Variants in ARHGAP8 observed in about 807,000 individuals in gnomAD.
The protein encoded by ARHGAP8 is rho GTPase-activating protein 8.
ARHGAP8 carries 62 observed loss-of-function variants against 46.1 expected under a neutral mutation model. The observed-to-expected ratio is 1.34, with a 90% CI of 1.10 to 1.66. The LOEUF (loss-of-function observed/expected upper bound fraction) is 1.66. Among genes scored for constraint, ARHGAP8 ranks in the 40% most tolerant of loss-of-function variants. ARHGAP8 has a pLI of 0.00. For synonymous variants in ARHGAP8, 375 were observed against 243.1 expected, an observed-to-expected ratio of 1.54 and a Z score of -5.05; for missense variants, 923 against 568.4, an observed-to-expected ratio of 1.62 and a Z score of -6.34.
At chr22:44,819,043 CTG>C (rs1182270494) in intron 5 of ARHGAP8, among the ~76,000 whole-genome samples, 1 of 151,850 alleles carries the variant, frequency 6.6e-6, no homozygotes, top group Non-Finnish European at 1.5e-5. Context: ...GCTGCTAGTA[CTG>C]TGTTTTTTGT....
chr22:44,828,709 T>A (rs1930715817), intron 7 of ARHGAP8, among the ~76,000 whole-genome samples: 1 of 151,390 alleles, frequency 6.6e-6, no homozygotes, highest in African/African-American at 2.4e-5. Context: ...TGCCTCGGCC[T>A]CCTACTGGGA....
chr22:44,813,922 A>G (rs538613077), intron 4 of ARHGAP8, among the ~76,000 whole-genome samples: 61 of 152,176 alleles, frequency 4.0e-4, no homozygotes, highest in Non-Finnish European at 7.8e-4. Flanking sequence ...GTGAGTGGAT[A>G]AGAGGTGGCT....
In ARHGAP8 at chr22:44,855,241, G is replaced by T. The variant is rs552946687; in HGVS notation, c.878-4490G>T. ...AAAAAGAATTTTTTTTTAAGACAGG[G>T]TCTCCTTCTCCTTGACCTCTGGGCT... is the stretch of plus-strand genomic sequence containing the variant. On this transcript the variant is annotated intron_variant, in intron 10 of 11. Coordinates refer to ENST00000356099, the MANE Select transcript of ARHGAP8 (RefSeq NM_181335.3). Among the ~76,000 whole-genome samples, 3 of 151,892 alleles carry T rather than the reference G, an allele frequency of 2.0e-5. No homozygotes were observed. In the South Asian group the frequency reaches 6.2e-4, roughly 32 times the overall value.
chr22:44,852,940 C>T (rs6007326), intron 10 of ARHGAP8, among the ~76,000 whole-genome samples: 3 of 151,836 alleles, frequency 2.0e-5, no homozygotes, highest in Admixed American at 6.6e-5. Flanking sequence ...GTAGCTGGGA[C>T]GACAGGCCCG....
chr22:44,813,770 C>A (rs1322283819), intron 4 of ARHGAP8, among the ~76,000 whole-genome samples: 1 of 132,224 alleles, frequency 7.6e-6, no homozygotes, highest in Non-Finnish European at 1.6e-5. Flanking sequence ...TATACACTTA[C>A]ACCTACATAC....
At chr22:44,835,124 A>C (rs1026439686) in intron 7 of ARHGAP8, among the ~76,000 whole-genome samples, 1 of 151,518 alleles carries the variant, frequency 6.6e-6, no homozygotes, top group African/African-American at 2.4e-5. Context: ...CCATTTTGCT[A>C]TTTGTTTTCT....
chr22:44,791,799 G>A (rs17532423), intron 2 of ARHGAP8, among the ~76,000 whole-genome samples: 5,563 of 152,144 alleles, frequency 0.037, 105 homozygotes, highest in South Asian at 0.048. Context: ...AAAAGATGCC[G>A]GCCTTAACCA....
chr22:44,858,081 A>G (rs1255242812), intron 10 of ARHGAP8, among the ~76,000 whole-genome samples: 1 of 152,232 alleles, frequency 6.6e-6, no homozygotes, highest in Non-Finnish European at 1.5e-5. Context: ...TTCCTTGTCC[A>G]TTCAAATGAC....
rs147414601 is a variant in ARHGAP8 at position 44,814,327 on chromosome 22, G to A, written c.300-345G>A. ...CTGGCAGGGCAGGTGTTGGCCAAGA[G>A]GCTCTGTGCGGTTTTAATTCTGAGA... On this transcript the variant is annotated intron_variant, in intron 4 of 11. Coordinates refer to ENST00000356099, the MANE Select transcript of ARHGAP8 (RefSeq NM_181335.3). 2.1e-3 allele frequency among the ~76,000 whole-genome samples: 314 copies of A among 152,288 alleles called. 3 individuals carry two copies. Among genetic ancestry groups the A allele is most frequent in the African/African-American group, 7.0e-3 (289 of 41,556 alleles).
chr22:44,809,889 C>T (rs1023171478), intron 4 of ARHGAP8: 1 of 152,264 alleles, frequency 6.6e-6, no homozygotes, highest in Non-Finnish European at 1.5e-5. Flanking sequence ...CCTCCAGTTG[C>T]CTTTTGGGTC....
intron 6 of ARHGAP8, 85 bp downstream of exon 6, chr22:44,822,554 G>C (rs1192012800): frequency 4.9e-5 from 61 of 1,239,526 alleles, no homozygotes; most frequent in Non-Finnish European, 6.2e-5. Flanking sequence ...AATGTTTAAG[G>C]CTTGATTTCC....
At chr22:44,841,523 C>T (rs1931651766) in intron 7 of ARHGAP8, among the ~76,000 whole-genome samples, 1 of 152,164 alleles carries the variant, frequency 6.6e-6, no homozygotes, top group Admixed American at 6.5e-5. Context: ...CCTAAAATGC[C>T]TCCTCTGCGG....
chr22:44,862,471 C>A lies in ARHGAP8; in HGVS notation c.1178C>A (p.Ala393Glu). 6.2e-7 allele frequency: 1 copy of A among 1,613,984 alleles called. No homozygotes were observed. Among genetic ancestry groups the A allele is most frequent in the Non-Finnish European group, 8.5e-7 (1 of 1,179,940 alleles). ...GAGGCACCTGGGGAGCACGGCCTGG[C>A]ACCATGGGAACAGGGGAGCAGGGCA... ...TPEAPGEHGL[A>E]PWEQGSRAAP... Residue 393 changes from alanine (A) to glutamate (E), a missense_variant, in exon 12 of 12, where the codon GCA (alanine) becomes GAA (glutamate). By Grantham distance (107) the Ala-to-Glu change is moderately radical. Coordinates refer to ENST00000356099, the MANE Select transcript of ARHGAP8 (RefSeq NM_181335.3).
chr22:44,811,076 AAATCAGCCCAGAGAAACAAACCCGT>A (rs1929300451), intron 4 of ARHGAP8, among the ~76,000 whole-genome samples: 3 of 152,316 alleles, frequency 2.0e-5, no homozygotes, highest in Non-Finnish European at 2.9e-5. Flanking sequence ...CAGTTGCCAG[AAATCAGCCCAGAGAAACAAACCCGT>A]AATCAGCCCA....
rs747197900 is a variant in ARHGAP8, at chr22:44,862,356, C to T, written c.1063C>T (p.Gln355Ter). 5 of 1,614,006 alleles carry T rather than the reference C, an allele frequency of 3.1e-6. No individual in the cohort carries two copies. Among genetic ancestry groups the T allele is most frequent in the Middle Eastern group, 1.6e-4 (1 of 6,084 alleles). Reference sequence around the variant, plus strand: ...CGGGCTGAATTTGATCTGGCCATCCCAGGGGGTCTCCTCCCTGAGTGCCCT... The same window carrying T: ...CGGGCTGAATTTGATCTGGCCATCCTAGGGGGTCTCCTCCCTGAGTGCCCT... ...VFGLNLIWPS[Q>*]GVSSLSALVP... is the part of the protein sequence containing the mutation. The change falls in exon 12 of 12, where the codon CAG becomes TAG. Residue 355 changes from glutamine (Q) to a stop codon, truncating the protein, a stop_gained. Transcript: ENST00000356099. LOFTEE classifies it low-confidence loss of function (END_TRUNC).
rs373615497 is a variant in ARHGAP8 at position 44,845,257 on chromosome 22, C to T, written c.597-12C>T. The T allele has an allele frequency of 1.4e-5, 22 of 1,613,950 alleles. No individual in the cohort carries two copies. The African/African-American group carries it at 2.7e-4, about 20-fold the overall frequency. ...CAGGTAAAAACTGCGACTTTCTTTT[C>T]TGTTTTCTCAGCCTCAAAGACAAAA... On this transcript the variant is annotated splice_polypyrimidine_tract_variant and intron_variant, in intron 7 of 11. Coordinates refer to ENST00000356099, the MANE Select transcript of ARHGAP8 (RefSeq NM_181335.3).
chr22:44,785,287 C>T (rs1463037831), intron 1 of ARHGAP8, among the ~76,000 whole-genome samples: 1 of 152,190 alleles, frequency 6.6e-6, no homozygotes, highest in Non-Finnish European at 1.5e-5. Context: ...TCTCCTCGGG[C>T]CGCCAGCAAA....
intron 5 of ARHGAP8, among the ~76,000 whole-genome samples, chr22:44,815,031 C>T (rs899144694): frequency 2.6e-5 from 4 of 152,186 alleles, no homozygotes; most frequent in African/African-American, 9.6e-5. Context: ...GTGTGACCAC[C>T]CTCAGGTGCC....
chr22:44,777,001 C>T (rs1392518986), intron 1 of ARHGAP8, among the ~76,000 whole-genome samples: 2 of 152,136 alleles, frequency 1.3e-5, no homozygotes, highest in Admixed American at 6.5e-5. Flanking sequence ...GTTTCTGGGA[C>T]CGGCTTTTTG....
Sources: gnomAD v4.1 joint callset for allele counts (sites outside exome capture counted in the v4.1 genomes callset) on GRCh38, gnomAD v4.1.1 for gene constraint, MANE v1.5 for transcripts, NCBI Gene and HGNC (gene_info 2026-07-23, HGNC 2026-07-21) for gene names.